CCDC125: variants seen among roughly 807,000 people sequenced by gnomAD.
CCDC125 encodes the protein coiled-coil domain-containing protein 125.
A neutral mutation model predicts 57.4 loss-of-function variants in CCDC125; 43 were observed. The observed-to-expected ratio is 0.75, with a 90% CI of 0.59 to 0.97. The LOEUF (loss-of-function observed/expected upper bound fraction) is 0.97, where lower values mean the gene tolerates loss of function less well. Among genes scored for constraint, CCDC125 ranks in the 50% least tolerant of loss-of-function variants. CCDC125 has a pLI of 0.00. For synonymous variants in CCDC125, 187 were observed against 195.2 expected, an observed-to-expected ratio of 0.96 and a Z score of 0.35; for missense variants, 563 against 595.7, an observed-to-expected ratio of 0.95 and a Z score of 0.57.
Position 69,306,316 on chromosome 5 carries a change from G to T in CCDC125, c.617+501C>A, listed in dbSNP as rs954143996. Among the ~76,000 whole-genome samples, 10 of 151,862 alleles carry T rather than the reference G, an allele frequency of 6.6e-5. No homozygotes were observed. The South Asian group carries it at 1.5e-3, about 22-fold the overall frequency. ...TTTAAGATAGAGTTTATACTATTTT[G>T]GTTTTTGTTTTTTTGTTTTGTTTTA... On this transcript the variant is annotated intron_variant, in intron 6 of 11. Transcript: ENST00000396496.
chr5:69,312,668 A>ATT (rs1758347323), intron 3 of CCDC125, among the ~76,000 whole-genome samples: 1 of 152,192 alleles, frequency 6.6e-6, no homozygotes, highest in African/African-American at 2.4e-5. Flanking sequence ...GGTGGAAAGG[A>ATT]GAACCGGTGG....
At chr5:69,290,779 G>A (rs1423874146) in intron 10 of CCDC125, among the ~76,000 whole-genome samples, 1 of 151,308 alleles carries the variant, frequency 6.6e-6, no homozygotes, top group Non-Finnish European at 1.5e-5. Context: ...ACAGGCGCCT[G>A]CGACCAAGCC....
Position 69,322,269 on chromosome 5 carries a change from G to A in CCDC125, c.-40-1689C>T, listed in dbSNP as rs74572644. Among the ~76,000 whole-genome samples the A allele has an allele frequency of 2.5e-3, 382 of 152,140 alleles. 1 individual carries two copies. The highest frequency in any genetic ancestry group is 8.8e-3 in the African/African-American group (367 of 41,494). ...GGAGTAGCTCGGATGACAGGAGTGA[G>A]GCACCACGTGGGGGTGGGGAGCAGA... On this transcript the variant is annotated intron_variant, in intron 1 of 11. Transcript: ENST00000396496.
rs749207830 is a variant in CCDC125 at position 69,292,210 on chromosome 5, A to G, written c.1077T>C (p.Asn359=). The change falls in exon 10 of 12, where the codon AAT becomes AAC. Residue 359 remains asparagine, a synonymous_variant. Transcript: ENST00000396496. ...KMHKKATKWM[N]WKHLKEDGFP... is the part of the protein sequence containing the mutation. The stretch of plus-strand genomic sequence containing the variant: ...TACCATCCTCTTTAAGGTGCTTCCA[A>G]TTCATCCATTTTGTTGCTTTTTTAT... 2 of 1,613,158 alleles carry G rather than the reference A, an allele frequency of 1.2e-6. No individual in the cohort carries two copies. The highest frequency in any genetic ancestry group is 1.7e-6 in the Non-Finnish European group (2 of 1,179,834).
At chr5:69,328,031 G>A (rs903550900) in intron 1 of CCDC125, among the ~76,000 whole-genome samples, 1 of 152,136 alleles carries the variant, frequency 6.6e-6, no homozygotes, top group Admixed American at 6.6e-5. Context: ...CAGGTAACTG[G>A]CATTATAGGC....
chr5:69,315,098 A>G (rs1758794425), intron 2 of CCDC125, among the ~76,000 whole-genome samples: 1 of 151,698 alleles, frequency 6.6e-6, no homozygotes, highest in African/African-American at 2.4e-5. Flanking sequence ...TCTACTAAAA[A>G]CACAAAAATT....
intron 10 of CCDC125, among the ~76,000 whole-genome samples, chr5:69,290,629 C>CTTT (rs373663120): frequency 4.2e-5 from 5 of 117,772 alleles, no homozygotes; most frequent in East Asian, 2.4e-4. Context: ...TCTTTTTTTT[C>CTTT]TTTTTTTTTT....
chr5:69,301,768 G>A (rs1464491742), intron 7 of CCDC125, among the ~76,000 whole-genome samples: 3 of 150,720 alleles, frequency 2.0e-5, no homozygotes, highest in African/African-American at 7.3e-5. Flanking sequence ...ATGGTGGTGG[G>A]TGTCTGCAAT....
At chr5:69,296,214 C>A (rs1755296598) in intron 8 of CCDC125, among the ~76,000 whole-genome samples, 1 of 151,570 alleles carries the variant, frequency 6.6e-6, no homozygotes, top group African/African-American at 2.4e-5. Context: ...TCTGTGGCTC[C>A]TTGGGTGATC....
At chr5:69,286,207 T>C (rs1235459894) in intron 10 of CCDC125, among the ~76,000 whole-genome samples, 2 of 118,320 alleles carry the variant, frequency 1.7e-5, no homozygotes, top group Admixed American at 8.5e-5. Flanking sequence ...TATATATATA[T>C]ATATATATAT....
rs1301770314 is a variant in CCDC125 at position 69,292,182 on chromosome 5, A to C, written c.1099+6T>G. 6.2e-7 allele frequency: 1 copy of C among 1,601,102 alleles called. No homozygotes were observed. Among genetic ancestry groups the C allele is most frequent in the South Asian group, 1.1e-5 (1 of 88,854 alleles). On this transcript the variant is annotated splice_donor_region_variant and intron_variant, in intron 10 of 11. Transcript: ENST00000396496. ...CCCACTTATTGCCATTATAATTCAT[A>C]GTTACCATCCTCTTTAAGGTGCTTC...
At position 69,320,242 on chromosome 5, in the gene CCDC125, C is replaced by T; in HGVS notation, c.299G>A (p.Ser100Asn). The T allele has an allele frequency of 3.1e-6, 5 of 1,612,390 alleles. No homozygotes were observed. The highest frequency in any genetic ancestry group is 4.2e-6 in the Non-Finnish European group (5 of 1,178,930). Residue 100 changes from serine (S) to asparagine (N), a missense_variant, in exon 2 of 12, where the codon AGC becomes AAC. Coordinates refer to ENST00000396496, the MANE Select transcript of CCDC125 (RefSeq NM_176816.5). ...AGGAAATTCAGCATTCTTACCAGTG[C>T]TACTTTGTCGTCTGTAATTGGAAAT... is the stretch of plus-strand genomic sequence containing the variant. Reference protein sequence around the residue: ...SRISNYRRQSSTVDSNSELSN... With the variant: ...SRISNYRRQSNTVDSNSELSN...
At chr5:69,320,075 C>T (rs1475650769) in intron 2 of CCDC125, among the ~76,000 whole-genome samples, 162 bp downstream of exon 2, 2 of 151,974 alleles carry the variant, frequency 1.3e-5, no homozygotes, top group Non-Finnish European at 2.9e-5. Context: ...GAGCCGAGAT[C>T]GCGTGCCACT....
intron 9 of CCDC125, among the ~76,000 whole-genome samples, chr5:69,292,755 C>T (rs373867211): frequency 1.6e-4 from 24 of 152,094 alleles, no homozygotes; most frequent in East Asian, 7.7e-4. Flanking sequence ...ATGATGAATA[C>T]GACCTTTCAA....
In CCDC125 at chr5:69,328,955, G is replaced by A. The variant is rs980415135; in HGVS notation, c.-41+3694C>T. On this transcript the variant is annotated intron_variant, in intron 1 of 11. Transcript: ENST00000396496. ...ACTACAGGTGTCCGCCACCACGCCC[G>A]GCTAATTTTTTGTATTTTTAGTAGA... 3.8e-5 allele frequency among the ~76,000 whole-genome samples: 5 copies of A among 130,244 alleles called. No homozygotes were observed. The South Asian group carries it at 7.1e-4, about 19-fold the overall frequency. The allele number at this position is 130,244 out of a possible 152,430, so 85.4% of individuals were successfully genotyped here.
chr5:69,299,780 A>G (rs1756067314), intron 8 of CCDC125, among the ~76,000 whole-genome samples: 2 of 152,230 alleles, frequency 1.3e-5, no homozygotes, highest in Admixed American at 1.3e-4. Context: ...AAGATGAGAA[A>G]TAAACGGGGC....
Position 69,330,821 on chromosome 5 carries a change from C to T in CCDC125, c.-41+1828G>A, listed in dbSNP as rs546691018. Among the ~76,000 whole-genome samples the T allele has an allele frequency of 6.6e-5, 10 of 152,258 alleles. No homozygotes were observed. In the South Asian group the frequency reaches 1.9e-3, roughly 28 times the overall value. On this transcript the variant is annotated intron_variant, in intron 1 of 11. Transcript: ENST00000396496. ...CATTAATTTCACTGCCCTGGTGGAACGTCTCTTTAATTCCCCAAGGCTAGC... is the reference window on the plus strand; with the variant it reads ...CATTAATTTCACTGCCCTGGTGGAATGTCTCTTTAATTCCCCAAGGCTAGC...
At chr5:69,289,429 A>C in intron 10 of CCDC125, among the ~76,000 whole-genome samples, 1 of 152,208 alleles carries the variant, frequency 6.6e-6, no homozygotes, top group East Asian at 1.9e-4. Flanking sequence ...AAAAGGCTAA[A>C]TACATGGACC....
intron 8 of CCDC125, among the ~76,000 whole-genome samples, chr5:69,295,886 C>CTT (rs35947616): frequency 7.0e-4 from 99 of 140,758 alleles, no homozygotes; most frequent in South Asian, 9.1e-4. Flanking sequence ...ACACTGACTT[C>CTT]TTTTTTTTTT....
Sources: allele counts gnomAD v4.1 joint callset (sites outside exome capture counted in the v4.1 genomes callset), GRCh38; gene constraint gnomAD v4.1.1; transcripts MANE v1.5; gene names NCBI Gene and HGNC (gene_info 2026-07-23, HGNC 2026-07-21).